AADAT: variants seen among roughly 807,000 people sequenced by gnomAD.
AADAT encodes kynurenine/alpha-aminoadipate aminotransferase, mitochondrial.
In AADAT, 25 loss-of-function variants were observed where a neutral mutation model predicts 56.2. The observed-to-expected ratio is 0.44, with a 90% CI of 0.32 to 0.62. The LOEUF (loss-of-function observed/expected upper bound fraction) is 0.62. AADAT is among the 20% of genes least tolerant of loss of function. AADAT has a pLI of 0.04. For missense variants in AADAT, 387 were observed against 510.5 expected (o/e 0.76, Z 2.33); for synonymous variants, 173 against 164.7 (o/e 1.05, Z -0.39).
upstream of AADAT, among the ~76,000 whole-genome samples, chr4:170,093,323 G>C (rs751157086): frequency 2.6e-5 from 4 of 152,158 alleles, no homozygotes; most frequent in South Asian, 4.2e-4. Context: ...TCAGCCACTC[G>C]GGAGGCTGAG....
rs1306786657 is a variant in AADAT at position 170,060,440 on chromosome 4, G to T, written c.*488C>A. On this transcript the variant is annotated 3_prime_UTR_variant, in exon 13 of 13. Transcript: ENST00000337664. Reference sequence around the variant, plus strand: ...CAAAATAATTCAGTGTAAAATGTTAGTTTCAAAGACAATTTATGGGAAATT... The same window carrying T: ...CAAAATAATTCAGTGTAAAATGTTATTTTCAAAGACAATTTATGGGAAATT... 1 of 152,206 alleles carries T rather than the reference G, an allele frequency of 6.6e-6. No homozygotes were observed. The highest frequency in any genetic ancestry group is 3.2e-3 in the Middle Eastern group (1 of 316). The allele number at this position is 152,206 out of a possible 1,614,324, so 9.4% of individuals were successfully genotyped here.
At chr4:170,068,748 T>C (rs1731608880) in intron 7 of AADAT, 61 bp from the exon 8 acceptor site, 19 of 1,096,142 alleles carry the variant, frequency 1.7e-5, no homozygotes, top group Admixed American at 2.6e-5. Flanking sequence ...ACATATCACT[T>C]TCCTGATTTC....
chr4:170,085,591 G>T (rs1732521206), intron 3 of AADAT, among the ~76,000 whole-genome samples: 1 of 152,150 alleles, frequency 6.6e-6, no homozygotes, highest in African/African-American at 2.4e-5. Context: ...GGATAAAGAA[G>T]AAACTGTCTT....
intron 2 of AADAT, among the ~76,000 whole-genome samples, chr4:170,087,630 A>G (rs1343284209): frequency 6.6e-6 from 1 of 152,206 alleles, no homozygotes; most frequent in Non-Finnish European, 1.5e-5. Flanking sequence ...TGTATCATGG[A>G]ATGTTTGAAT....
intron 3 of AADAT, among the ~76,000 whole-genome samples, chr4:170,085,893 AAAAAG>A (rs1732537512): frequency 6.6e-6 from 1 of 152,190 alleles, no homozygotes; most frequent in Non-Finnish European, 1.5e-5. Context: ...TATTTCCATG[AAAAAG>A]AAAACTACTC....
chr4:170,093,687 C>CTCAAGCA (rs1732934034), upstream of AADAT, among the ~76,000 whole-genome samples: 1 of 152,124 alleles, frequency 6.6e-6, no homozygotes, highest in Non-Finnish European at 1.5e-5. Flanking sequence ...CCTCGTCTTC[C>CTCAAGCA]CGGGCTCAAG....
chr4:170,070,476 A>C (rs754251232), intron 6 of AADAT, 111 bp downstream of exon 6: 1 of 696,952 alleles, frequency 1.4e-6, no homozygotes, highest in Middle Eastern at 2.8e-4. Flanking sequence ...TTTATTTTCC[A>C]TGTAAAAGTG....
At chr4:170,066,271 T>G (rs1731456431) in intron 10 of AADAT, 143 bp downstream of exon 10, 2 of 698,314 alleles carry the variant, frequency 2.9e-6, no homozygotes, top group East Asian at 5.3e-5. Flanking sequence ...GCTTCTGAGA[T>G]GATTTATGGT....
intron 4 of AADAT, among the ~76,000 whole-genome samples, chr4:170,076,975 C>T (rs1732067841): frequency 6.6e-6 from 1 of 152,164 alleles, no homozygotes; most frequent in Non-Finnish European, 1.5e-5. Flanking sequence ...ATCCTTTCCC[C>T]CACTGAATGA....
intron 11 of AADAT, among the ~76,000 whole-genome samples, chr4:170,063,222 T>C (rs985106477): frequency 1.3e-5 from 2 of 152,092 alleles, no homozygotes; most frequent in African/African-American, 4.8e-5. Flanking sequence ...AGCAAGGAGC[T>C]GAAAGAGAAG....
In AADAT at chr4:170,089,799, C is replaced by A; in HGVS notation, c.-109G>T. The A allele has an allele frequency of 1.8e-6, 2 of 1,113,274 alleles. No homozygotes were observed. Among genetic ancestry groups the A allele is most frequent in the Non-Finnish European group, 1.3e-6 (1 of 758,472 alleles). The allele number at this position is 1,113,274 out of a possible 1,614,324, so 69.0% of individuals were successfully genotyped here. The stretch of plus-strand genomic sequence containing the variant: ...TAACTCCTCACTCTGGCAACGCCAC[C>A]GCGAGATGTGTCCCCCCGCTGCGTC... On this transcript the variant is annotated 5_prime_UTR_variant, in exon 1 of 13. Coordinates refer to ENST00000337664, the MANE Select transcript of AADAT (RefSeq NM_016228.4).
At chr4:170,072,593 A>T (rs988971562) in intron 5 of AADAT, among the ~76,000 whole-genome samples, 8 of 152,362 alleles carry the variant, frequency 5.3e-5, no homozygotes, top group African/African-American at 1.9e-4. Context: ...GGACACAGTC[A>T]GGTACATAAA....
At chr4:170,078,712 G>A (rs1393845773) in intron 3 of AADAT, 129 bp from the exon 4 acceptor site, 3 of 494,604 alleles carry the variant, frequency 6.1e-6, no homozygotes, top group Admixed American at 7.1e-5. Flanking sequence ...TTTATAAGGG[G>A]CCAAACAGTA....
intron 3 of AADAT, among the ~76,000 whole-genome samples, chr4:170,080,101 G>C (rs965116458): frequency 6.6e-6 from 1 of 152,148 alleles, no homozygotes; most frequent in African/African-American, 2.4e-5. Context: ...GAGACTTCCA[G>C]TTCCAAAATG....
intron 4 of AADAT, among the ~76,000 whole-genome samples, chr4:170,076,269 G>A (rs376261527): frequency 1.3e-5 from 2 of 151,976 alleles, no homozygotes; most frequent in South Asian, 2.1e-4. Context: ...AATAGCCATC[G>A]TGGTATGTGT....
chr4:170,076,978 C>T (rs1407253987), intron 4 of AADAT, among the ~76,000 whole-genome samples: 2 of 152,172 alleles, frequency 1.3e-5, no homozygotes, highest in African/African-American at 4.8e-5. Flanking sequence ...CTTTCCCCCA[C>T]TGAATGATCT....
At chr4:170,093,240 C>T (rs1732920028), upstream of AADAT, among the ~76,000 whole-genome samples, 1 of 152,058 alleles carries the variant, frequency 6.6e-6, no homozygotes, top group Admixed American at 6.5e-5. Context: ...ACCAGCCTGA[C>T]CATCATGGCA....
At chr4:170,078,889 T>C (rs1009707887) in intron 3 of AADAT, among the ~76,000 whole-genome samples, 7 of 152,210 alleles carry the variant, frequency 4.6e-5, no homozygotes, top group African/African-American at 1.4e-4. Flanking sequence ...TCTCAAACCA[T>C]AGTTTGCCAA....
intron 3 of AADAT, among the ~76,000 whole-genome samples, chr4:170,086,050 A>T (rs1732545027): frequency 6.6e-6 from 1 of 151,772 alleles, no homozygotes; most frequent in Non-Finnish European, 1.5e-5. Flanking sequence ...GCTTGAGCCC[A>T]TGAGCTCAAG....
Sources: gnomAD v4.1 joint callset for allele counts (sites outside exome capture counted in the v4.1 genomes callset) on GRCh38, gnomAD v4.1.1 for gene constraint, MANE v1.5 for transcripts, NCBI Gene and HGNC (gene_info 2026-07-23, HGNC 2026-07-21) for gene names.